ANK3: variants seen among roughly 807,000 people sequenced by gnomAD.
ANK3 encodes ankyrin-3.
In ANK3, 57 loss-of-function variants were observed where a neutral mutation model predicts 370.9. The observed-to-expected ratio is 0.15, with a 90% CI of 0.12 to 0.19. ANK3 has a LOEUF of 0.19. Ranked by LOEUF, ANK3 falls within the 10% of genes least tolerant of loss-of-function variation. The pLI is 1.00. For missense variants in ANK3, 4,439 were observed against 5,302.1 expected (o/e 0.84, Z 5.06); for synonymous variants, 1,929 against 1,946.3 (o/e 0.99, Z 0.23).
At chr10:60,653,252 T>C (rs2078816392) in intron 1 of ANK3, among the ~76,000 whole-genome samples, 1 of 152,178 alleles carries the variant, frequency 6.6e-6, no homozygotes, top group African/African-American at 2.4e-5. Flanking sequence ...ATATTTTTCT[T>C]CTAGTTTTCT....
intron 2 of ANK3, among the ~76,000 whole-genome samples, chr10:60,471,639 C>T (rs1316728414): frequency 6.6e-6 from 1 of 152,006 alleles, no homozygotes; most frequent in East Asian, 1.9e-4. Context: ...ACACTATATA[C>T]CTTGTGACAA....
chr10:60,427,449 G>C (rs2063913481), intron 2 of ANK3, among the ~76,000 whole-genome samples: 1 of 151,836 alleles, frequency 6.6e-6, no homozygotes, highest in Admixed American at 6.6e-5. Context: ...ACAGAGATAA[G>C]AGAAAACCAG....
chr10:60,068,599 G>A, intron 37 of ANK3, 38 bp downstream of exon 37: 1 of 1,549,300 alleles, frequency 6.5e-7, no homozygotes, highest in South Asian at 1.2e-5. Context: ...CAGGATGTGA[G>A]CAGAGTGCTC....
intron 28 of ANK3, among the ~76,000 whole-genome samples, chr10:60,094,438 T>C (rs2089609473): frequency 6.6e-6 from 1 of 152,140 alleles, no homozygotes; most frequent in Non-Finnish European, 1.5e-5. Flanking sequence ...TGTGCCCGCC[T>C]CAGCCTCCCA....
At chr10:60,265,632 T>C (rs564883008) in intron 5 of ANK3, among the ~76,000 whole-genome samples, 3 of 152,262 alleles carry the variant, frequency 2.0e-5, no homozygotes, top group African/African-American at 7.2e-5. Context: ...TGGGTCATGA[T>C]ATTTTATTTC....
intron 1 of ANK3, among the ~76,000 whole-genome samples, chr10:60,654,137 TAGAG>T (rs1187407455): frequency 2.6e-5 from 4 of 152,334 alleles, no homozygotes; most frequent in Admixed American, 6.5e-5. Context: ...TGCTACTATA[TAGAG>T]ATACTATTGA....
rs547608302 is a variant in ANK3, at chr10:60,084,697, A to C, written c.3979T>G (p.Ser1327Ala). The part of the protein sequence containing the change: ...FAKMNDPVES[S>A]LRCFCMTDDK... ...TCTGTCATGCAGAAACATCGCAAGG[A>C]AGATTCTACGGGATCATTCATTTTG... Residue 1327 changes from serine (S) to alanine (A), a missense_variant, in exon 32 of 44, where the codon TCC becomes GCC. Physicochemically the swap from Ser to Ala is moderately conservative, Grantham distance 99. Transcript: ENST00000280772. The C allele has an allele frequency of 2.6e-5, 42 of 1,613,980 alleles. No homozygotes were observed. The South Asian group carries it at 4.4e-4, about 17-fold the overall frequency.
intron 7 of ANK3, among the ~76,000 whole-genome samples, chr10:60,238,078 C>A (rs1272044689): frequency 1.3e-5 from 2 of 152,178 alleles, no homozygotes; most frequent in Non-Finnish European, 2.9e-5. Context: ...CTTTTTACTC[C>A]TGAATCATAT....
chr10:60,350,617 C>G (rs2056659394), intron 1 of ANK3, among the ~76,000 whole-genome samples: 1 of 152,340 alleles, frequency 6.6e-6, no homozygotes, highest in East Asian at 1.9e-4. Flanking sequence ...AACCTCAGCT[C>G]TAATCGCTAA....
intron 21 of ANK3, among the ~76,000 whole-genome samples, chr10:60,167,523 T>C (rs1047711001): frequency 1.3e-5 from 2 of 152,196 alleles, no homozygotes; most frequent in Admixed American, 6.5e-5. Context: ...ACTTTCTCTT[T>C]GATAACTTAG....
chr10:60,069,035 T>C lies in ANK3; in HGVS notation c.11846A>G (p.Lys3949Arg). The change falls in exon 37 of 44, where the codon AAG becomes AGG. Residue 3949 changes from lysine to arginine, a missense_variant. Coordinates refer to ENST00000280772, the MANE Select transcript of ANK3 (RefSeq NM_020987.5). The part of the protein sequence containing the change: ...EKGKAKQLPS[K>R]LPVKVRSTCV... ...GGTGGATCTTACCTTTACTGGCAACTTGGATGGAAGCTGTTTGGCCTTGCC... is the reference window on the plus strand; with the variant it reads ...GGTGGATCTTACCTTTACTGGCAACCTGGATGGAAGCTGTTTGGCCTTGCC... The C allele has an allele frequency of 6.2e-7, 1 of 1,614,098 alleles. No individual in the cohort carries two copies. The highest frequency in any genetic ancestry group is 8.5e-7 in the Non-Finnish European group (1 of 1,179,980).
chr10:60,161,302 G>C (rs1350106420), intron 23 of ANK3, among the ~76,000 whole-genome samples: 1 of 152,096 alleles, frequency 6.6e-6, no homozygotes, highest in Non-Finnish European at 1.5e-5. Flanking sequence ...AATTAGTACA[G>C]TTACTATAGA....
intron 1 of ANK3, among the ~76,000 whole-genome samples, chr10:60,285,465 T>A (rs956287565): frequency 2.6e-5 from 4 of 152,202 alleles, no homozygotes; most frequent in Admixed American, 2.6e-4. Flanking sequence ...CCATGACTTT[T>A]AAGTTTCTCC....
chr10:60,506,928 A>G (rs2075955990), intron 2 of ANK3, among the ~76,000 whole-genome samples: 1 of 152,106 alleles, frequency 6.6e-6, no homozygotes, highest in African/African-American at 2.4e-5. Flanking sequence ...TTTATTTATA[A>G]TTCATAATCC....
At chr10:60,690,914 A>G (rs1407950598) in intron 1 of ANK3, among the ~76,000 whole-genome samples, 1 of 152,192 alleles carries the variant, frequency 6.6e-6, no homozygotes, top group Non-Finnish European at 1.5e-5. Flanking sequence ...TTTTATTTAA[A>G]TATCATACTG....
intron 2 of ANK3, among the ~76,000 whole-genome samples, chr10:60,452,581 T>C (rs181856518): frequency 1.3e-5 from 2 of 152,260 alleles, no homozygotes; most frequent in African/African-American, 4.8e-5. Context: ...ATCACTAGAG[T>C]AAGGAATGCC....
chr10:60,195,115 C>T (rs190827138), intron 16 of ANK3, among the ~76,000 whole-genome samples: 64 of 152,174 alleles, frequency 4.2e-4, no homozygotes, highest in South Asian at 2.1e-3. Context: ...AGGCCGGGCG[C>T]GGTGTGTCAC....
At chr10:60,106,803 A>G (rs1027424740) in intron 27 of ANK3, among the ~76,000 whole-genome samples, 1 of 152,154 alleles carries the variant, frequency 6.6e-6, no homozygotes, top group African/African-American at 2.4e-5. Flanking sequence ...CACGGGAAAT[A>G]ATTTTGTTAA....
intron 1 of ANK3, among the ~76,000 whole-genome samples, chr10:60,731,195 C>T (rs2080017588): frequency 6.6e-6 from 1 of 151,966 alleles, no homozygotes; most frequent in African/African-American, 2.4e-5. Context: ...GTTAGGCACA[C>T]TTATTTCTTT....
Sources: allele counts gnomAD v4.1 joint callset (sites outside exome capture counted in the v4.1 genomes callset), GRCh38; gene constraint gnomAD v4.1.1; transcripts MANE v1.5; gene names NCBI Gene and HGNC (gene_info 2026-07-23, HGNC 2026-07-21).